Variants in GLIS3 observed in about 807,000 individuals in gnomAD.
GLIS3 encodes the protein zinc finger protein GLIS3.
GLIS3 carries 53 observed loss-of-function variants against 78.6 expected under a neutral mutation model. The ratio of observed to expected loss-of-function variants is 0.67; its 90% confidence interval spans 0.54 to 0.85. The LOEUF (loss-of-function observed/expected upper bound fraction) is 0.85, where lower values mean the gene tolerates loss of function less well. GLIS3 is among the 40% of genes least tolerant of loss of function. The probability of loss-of-function intolerance (pLI) is 0.00; values close to 1 mark genes in which losing one functional copy is unlikely to be tolerated. For synonymous variants in GLIS3, 684 were observed against 509.9 expected (o/e 1.34, Z -4.60); for missense variants, 1,703 against 1,231.1 (o/e 1.38, Z -5.74).
chr9:4,048,413 G>A (rs763173471), intron 4 of GLIS3, among the ~76,000 whole-genome samples: 4 of 151,998 alleles, frequency 2.6e-5, no homozygotes, highest in African/African-American at 4.8e-5. Flanking sequence ...CTTAAATGCT[G>A]ATATTATATG....
At chr9:3,878,604 C>G (rs1563805118) in intron 8 of GLIS3, 1 of 152,118 alleles carries the variant, frequency 6.6e-6, no homozygotes, top group Non-Finnish European at 1.5e-5. Flanking sequence ...ATTGCCAGAA[C>G]TTCTTTCTCC....
the GLIS3 span, among the ~76,000 whole-genome samples, chr9:4,363,199 G>T: frequency 6.6e-6 from 1 of 152,124 alleles, no homozygotes; most frequent in African/African-American, 2.4e-5. Context: ...CAGGTGGGTG[G>T]GTCACTTGAG....
At chr9:4,361,555 A>G in the GLIS3 span, among the ~76,000 whole-genome samples, 1 of 152,214 alleles carries the variant, frequency 6.6e-6, no homozygotes, top group Non-Finnish European at 1.5e-5. Flanking sequence ...GCTGTGGTGT[A>G]TTAACCACTT....
chr9:4,440,873 A>C, the GLIS3 span, among the ~76,000 whole-genome samples: 1 of 151,618 alleles, frequency 6.6e-6, no homozygotes, highest in Admixed American at 6.6e-5. Flanking sequence ...AAGATCTTTC[A>C]CTTCCTTGGT....
intron 4 of GLIS3, among the ~76,000 whole-genome samples, chr9:4,109,070 G>A (rs556665059): frequency 6.6e-6 from 1 of 152,156 alleles, no homozygotes; most frequent in African/African-American, 2.4e-5. Context: ...GATGGGAATT[G>A]ATTTAATTTG....
At chr9:4,209,763 G>A (rs1262217836) in intron 2 of GLIS3, among the ~76,000 whole-genome samples, 1 of 151,998 alleles carries the variant, frequency 6.6e-6, no homozygotes, top group East Asian at 1.9e-4. Context: ...TGCATCTCTG[G>A]ATGTTTAACA....
intron 2 of GLIS3, among the ~76,000 whole-genome samples, chr9:4,267,002 C>G (rs1486121714): frequency 2.0e-5 from 3 of 152,142 alleles, no homozygotes; most frequent in Non-Finnish European, 4.4e-5. Context: ...AGACTCAATT[C>G]TTTCCTAAAA....
chr9:4,422,233 TA>T, the GLIS3 span, among the ~76,000 whole-genome samples: 1 of 152,242 alleles, frequency 6.6e-6, no homozygotes, highest in African/African-American at 2.4e-5. Context: ...GTCTTCTTCA[TA>T]ATCCTATGTG....
At chr9:4,158,939 A>G (rs1440874013) in intron 2 of GLIS3, among the ~76,000 whole-genome samples, 1 of 150,230 alleles carries the variant, frequency 6.7e-6, no homozygotes, top group African/African-American at 2.5e-5. Context: ...CCAGCCATGT[A>G]ACAATACGGG....
At chr9:3,911,120 CCTTT>C (rs973951997) in intron 6 of GLIS3, among the ~76,000 whole-genome samples, 2 of 151,998 alleles carry the variant, frequency 1.3e-5, no homozygotes, top group African/African-American at 4.8e-5. Context: ...TTCCTTCCTT[CCTTT>C]CCTTTCTTCC....
intron 4 of GLIS3, among the ~76,000 whole-genome samples, chr9:4,306,873 A>G (rs1219942835): frequency 1.3e-5 from 2 of 152,260 alleles, no homozygotes; most frequent in Admixed American, 1.3e-4. Context: ...GAGAGTCCTT[A>G]GATTCTAGAC....
chr9:4,471,587 C>T, the GLIS3 span, among the ~76,000 whole-genome samples: 1 of 152,266 alleles, frequency 6.6e-6, no homozygotes, highest in East Asian at 1.9e-4. Flanking sequence ...CTTCCTTACA[C>T]CCTATACAAA....
At chr9:4,246,357 G>A (rs889818027) in intron 2 of GLIS3, among the ~76,000 whole-genome samples, 1 of 152,184 alleles carries the variant, frequency 6.6e-6, no homozygotes, top group East Asian at 1.9e-4. Context: ...GTTAGTCACT[G>A]CCCAGAGGAA....
intron 2 of GLIS3, among the ~76,000 whole-genome samples, chr9:4,282,188 AG>A (rs1372505494): frequency 6.6e-6 from 1 of 152,160 alleles, no homozygotes; most frequent in East Asian, 1.9e-4. Context: ...TTCAAAGCTT[AG>A]AAAATGCATT....
intron 6 of GLIS3, among the ~76,000 whole-genome samples, chr9:3,928,921 T>A (rs1374501458): frequency 1.3e-5 from 2 of 152,250 alleles, no homozygotes; most frequent in African/African-American, 4.8e-5. Flanking sequence ...AAAGTCCATT[T>A]CGATATCAGT....
At chr9:3,987,216 TGA>T in intron 4 of GLIS3, among the ~76,000 whole-genome samples, 1 of 151,704 alleles carries the variant, frequency 6.6e-6, no homozygotes, top group East Asian at 1.9e-4. Context: ...ACAGTAGAGG[TGA>T]GAGAGGACAA....
Position 4,321,382 on chromosome 9 carries a change from A to T in GLIS3, n.265-10854T>A, listed in dbSNP as rs1011878013. Among the ~76,000 whole-genome samples the T allele has an allele frequency of 4.5e-5, 5 of 110,918 alleles. 1 individual carries two copies. Among genetic ancestry groups the T allele is most frequent in the East Asian group, 2.9e-4 (1 of 3,420 alleles). The allele number at this position is 110,918 out of a possible 152,430, so 72.8% of individuals were successfully genotyped here. On this transcript the variant is annotated intron_variant and non_coding_transcript_variant, in intron 2 of 4. Coordinates refer to the GLIS3 transcript ENST00000471664. ...GCTTGCAGGGAGCCGAGATGGCGCC[A>T]CTGCACTCCAGCCTGGGCCACAGAG...
intron 2 of GLIS3, among the ~76,000 whole-genome samples, chr9:4,207,210 C>A (rs188117336): frequency 4.9e-4 from 74 of 152,306 alleles, no homozygotes; most frequent in Non-Finnish European, 9.0e-4. Flanking sequence ...CACAGAGCAG[C>A]CACATGCTGA....
chr9:4,170,451 G>A (rs1032139476), intron 2 of GLIS3, among the ~76,000 whole-genome samples: 5 of 152,100 alleles, frequency 3.3e-5, no homozygotes, highest in East Asian at 3.9e-4. Context: ...CATGGCACAC[G>A]GTGTTAGAAT....
Sources: allele counts gnomAD v4.1 joint callset (sites outside exome capture counted in the v4.1 genomes callset), GRCh38; gene constraint gnomAD v4.1.1; transcripts MANE v1.5; gene names NCBI Gene and HGNC (gene_info 2026-07-23, HGNC 2026-07-21).